Variants in DLGAP2 observed in about 807,000 individuals in gnomAD.
DLGAP2 encodes the protein DLG associated protein 2.
DLGAP2 carries 26 observed loss-of-function variants against 100.3 expected under a neutral mutation model. The ratio of observed to expected loss-of-function variants is 0.26; its 90% CI spans 0.19 to 0.36. The LOEUF (loss-of-function observed/expected upper bound fraction) is 0.36. DLGAP2 is among the 10% of genes least tolerant of loss of function. DLGAP2 has a pLI of 1.00. For missense variants in DLGAP2, 1,858 were observed against 1,453.2 expected, an observed-to-expected ratio of 1.28 and a Z score of -4.53; for synonymous variants, 886 against 630.1, an observed-to-expected ratio of 1.41 and a Z score of -6.08.
intron 6 of DLGAP2, among the ~76,000 whole-genome samples, chr8:1,583,031 GA>G (rs1795995186): frequency 1.3e-5 from 2 of 152,338 alleles, no homozygotes; most frequent in South Asian, 4.1e-4. Context: ...TTCAGCATCT[GA>G]ACCAGAGCTG....
At chr8:1,111,121 C>G (rs1234679193) in intron 2 of DLGAP2, among the ~76,000 whole-genome samples, 2 of 152,192 alleles carry the variant, frequency 1.3e-5, no homozygotes, top group East Asian at 1.9e-4. Flanking sequence ...CTTACCAAGC[C>G]CAGAACATCA....
intron 2 of DLGAP2, among the ~76,000 whole-genome samples, chr8:1,178,487 G>A (rs186950178): frequency 1.3e-5 from 2 of 152,146 alleles, no homozygotes; most frequent in African/African-American, 4.8e-5. Context: ...TATTAAAACA[G>A]CTGAACATAA....
intron 2 of DLGAP2, among the ~76,000 whole-genome samples, chr8:1,160,355 C>A (rs1420278454): frequency 1.3e-5 from 2 of 152,288 alleles, no homozygotes; most frequent in Non-Finnish European, 2.9e-5. Context: ...AGCCCCGCCC[C>A]AAACTCGGGG....
intron 2 of DLGAP2, among the ~76,000 whole-genome samples, chr8:914,673 A>G (rs941828289): frequency 1.3e-5 from 2 of 152,240 alleles, no homozygotes; most frequent in Non-Finnish European, 2.9e-5. Flanking sequence ...ACCCCAGAGC[A>G]GGTTAATGTA....
chr8:1,479,864 T>C (rs1291799071), intron 3 of DLGAP2, among the ~76,000 whole-genome samples: 11 of 152,144 alleles, frequency 7.2e-5, no homozygotes, highest in Admixed American at 3.3e-4. Flanking sequence ...GGATGGAAAA[T>C]GTGAATGCTA....
At chr8:795,723 A>G (rs1159848629) in intron 1 of DLGAP2, among the ~76,000 whole-genome samples, 36 of 147,794 alleles carry the variant, frequency 2.4e-4, no homozygotes, top group African/African-American at 7.3e-4. Flanking sequence ...GCAGGCGTCC[A>G]GTGAGAGCAG....
chr8:1,061,152 C>G (rs367573307), intron 2 of DLGAP2, among the ~76,000 whole-genome samples: 2 of 152,176 alleles, frequency 1.3e-5, no homozygotes, highest in African/African-American at 4.8e-5. Flanking sequence ...GTAGACCTGG[C>G]GCTGTCCTTT....
chr8:1,161,313 T>C (rs1446015896), intron 2 of DLGAP2, among the ~76,000 whole-genome samples: 1 of 151,908 alleles, frequency 6.6e-6, no homozygotes, highest in African/African-American at 2.4e-5. Flanking sequence ...CTAGGTGTTG[T>C]AGGAAAGGAG....
chr8:937,451 G>A (rs1181536949), intron 2 of DLGAP2, among the ~76,000 whole-genome samples: 3 of 152,156 alleles, frequency 2.0e-5, no homozygotes, highest in African/African-American at 7.2e-5. Flanking sequence ...CTTCTTTAAA[G>A]AGATGCCAGT....
chr8:1,184,050 A>C (rs1470070976), intron 2 of DLGAP2, among the ~76,000 whole-genome samples: 2 of 152,254 alleles, frequency 1.3e-5, no homozygotes, highest in Non-Finnish European at 2.9e-5. Context: ...GAACTCAGAC[A>C]GCTGAAAGGC....
At chr8:1,673,210 G>A (rs889010895) in intron 10 of DLGAP2, among the ~76,000 whole-genome samples, 11 of 152,212 alleles carry the variant, frequency 7.2e-5, no homozygotes, top group Non-Finnish European at 7.3e-5. Context: ...GGGCTCAAGT[G>A]ATCCTACCCC....
chr8:1,512,523 G>A (rs972350274), intron 4 of DLGAP2, among the ~76,000 whole-genome samples: 3 of 152,006 alleles, frequency 2.0e-5, no homozygotes, highest in African/African-American at 4.8e-5. Context: ...GAAGACCCTC[G>A]GGTTGCACGT....
At chr8:1,520,748 G>A (rs777795011) in intron 4 of DLGAP2, among the ~76,000 whole-genome samples, 45 of 152,220 alleles carry the variant, frequency 3.0e-4, no homozygotes, top group African/African-American at 9.9e-4. Flanking sequence ...ACTGCCTGAT[G>A]TAACGGTTTA....
At chr8:1,392,863 G>T (rs1363374113) in intron 3 of DLGAP2, among the ~76,000 whole-genome samples, 1 of 147,802 alleles carries the variant, frequency 6.8e-6, no homozygotes, top group East Asian at 2.0e-4. Flanking sequence ...AATGGGGCGT[G>T]TGTCTTTGTT....
chr8:1,262,545 C>G (rs1799372715), intron 3 of DLGAP2: 1 of 152,060 alleles, frequency 6.6e-6, no homozygotes, highest in Admixed American at 6.5e-5. Flanking sequence ...TTGCAGAGAC[C>G]TCTCCTGATA....
chr8:1,515,734 TCACA>T (rs1314626244), intron 4 of DLGAP2, among the ~76,000 whole-genome samples: 1 of 143,772 alleles, frequency 7.0e-6, no homozygotes, highest in Admixed American at 7.2e-5. Flanking sequence ...ATAGGCACAC[TCACA>T]CACTTGTATG....
At chr8:1,380,956 A>AC (rs1454393526) in intron 3 of DLGAP2, 1 of 149,090 alleles carries the variant, frequency 6.7e-6, no homozygotes, top group East Asian at 1.9e-4. Flanking sequence ...AAAAAAAAAA[A>AC]AAAACACCCA....
intron 3 of DLGAP2, among the ~76,000 whole-genome samples, chr8:1,371,520 G>C (rs781151690): frequency 6.6e-6 from 1 of 152,220 alleles, no homozygotes; most frequent in Non-Finnish European, 1.5e-5. Context: ...GTGGTGGTTT[G>C]TGGCTTCTGT....
At position 1,332,260 on chromosome 8, in the gene DLGAP2, A is replaced by G. The variant is rs1801174378; in HGVS notation, c.106+73377A>G. Among the ~76,000 whole-genome samples, 3 of 152,080 alleles carry G rather than the reference A, an allele frequency of 2.0e-5. No homozygotes were observed. In the South Asian group the frequency reaches 6.2e-4, roughly 32 times the overall value. ...CATATGTGAGTATATGCATGTGTAT[A>G]TGTGTTTATATACATCTGTGTACAC... On this transcript the variant is annotated intron_variant, in intron 3 of 14. Coordinates refer to ENST00000637795, the MANE Select transcript of DLGAP2 (RefSeq NM_001346810.2).
Sources: allele counts gnomAD v4.1 joint callset (sites outside exome capture counted in the v4.1 genomes callset), GRCh38; gene constraint gnomAD v4.1.1; transcripts MANE v1.5; gene names NCBI Gene and HGNC (gene_info 2026-07-23, HGNC 2026-07-21).